Variants in TOX2 observed in about 807,000 individuals in gnomAD.
TOX2 encodes granulosa cell HMG box 1.
TOX2 carries 15 observed loss-of-function variants against 47.4 expected under a neutral mutation model. The observed-to-expected ratio is 0.32, with a 90% CI of 0.21 to 0.49. TOX2 has a LOEUF of 0.49. TOX2 is among the 20% of genes least tolerant of loss of function. The pLI, the probability that TOX2 is intolerant of heterozygous loss-of-function variation, is 0.99. For synonymous variants in TOX2, 290 were observed against 296.6 expected (o/e 0.98, Z 0.23); for missense variants, 622 against 673.1 (o/e 0.92, Z 0.84).
chr20:44,059,813 T>C (rs1228028399), intron 5 of TOX2, among the ~76,000 whole-genome samples: 2 of 152,146 alleles, frequency 1.3e-5, no homozygotes, highest in African/African-American at 4.8e-5. Context: ...AAAGCATAAA[T>C]CTCACAGGAC....
chr20:43,930,021 T>C (rs2069233135), intron 1 of TOX2, among the ~76,000 whole-genome samples: 1 of 152,240 alleles, frequency 6.6e-6, no homozygotes, highest in Non-Finnish European at 1.5e-5. Flanking sequence ...TCTGAGTATT[T>C]TTCTTCGTGG....
rs376633123 is a variant in TOX2 at position 43,916,318 on chromosome 20, C to T, written c.99+1328C>T. The stretch of plus-strand genomic sequence containing the variant: ...GGGATGAGGCAGGAGAGAGGCGTCC[C>T]GGCGCGGATCCCGGGGCCTCCCGGG... On this transcript the variant is annotated intron_variant, in intron 1 of 8. Transcript: ENST00000341197. This position sits in a 1 kb window ranked among gnomAD's most constrained non-coding sequence, Gnocchi z 5.0. The T allele has an allele frequency of 2.0e-5, 17 of 856,222 alleles. No individual in the cohort carries two copies. The East Asian group carries it at 8.5e-4, about 43-fold the overall frequency. The allele number at this position is 856,222 out of a possible 1,614,324, so 53.0% of individuals were successfully genotyped here.
At chr20:44,026,565 TA>T (rs542813028) in intron 3 of TOX2, among the ~76,000 whole-genome samples, 11 of 151,918 alleles carry the variant, frequency 7.2e-5, no homozygotes, top group Non-Finnish European at 1.3e-4. Context: ...AATTATGGAT[TA>T]AAAAAACCCT....
rs757656800 is a variant in TOX2 at position 44,005,859 on chromosome 20, TAAGGAAA to T, written c.166-683_166-677del. Among the ~76,000 whole-genome samples the T allele has an allele frequency of 8.0e-4, 122 of 151,860 alleles. 1 individual carries two copies. Among genetic ancestry groups the T allele is most frequent in the South Asian group, 4.4e-3 (21 of 4,806 alleles). On this transcript the variant is annotated intron_variant, in intron 2 of 8. Transcript: ENST00000341197. ...TGGTGAAATATTGAGCTCTTTAAGATAAGGAAAAAGGCCCGGATGTCTGTTCTCACCA... is the reference window on the plus strand; with the variant it reads ...TGGTGAAATATTGAGCTCTTTAAGATAAGGCCCGGATGTCTGTTCTCACCA...
intron 5 of TOX2, among the ~76,000 whole-genome samples, chr20:44,056,361 T>A (rs1010656534): frequency 2.0e-5 from 3 of 152,202 alleles, no homozygotes; most frequent in Non-Finnish European, 4.4e-5. Flanking sequence ...ACGTCTGTCA[T>A]TTTCACTTGT....
intron 3 of TOX2, among the ~76,000 whole-genome samples, chr20:44,013,194 T>C (rs982013480): frequency 6.6e-6 from 1 of 152,100 alleles, no homozygotes; most frequent in Non-Finnish European, 1.5e-5. Context: ...GAGTGGGGAC[T>C]TGATCCTGGG....
At chr20:43,924,327 C>T (rs2069142061) in intron 1 of TOX2, among the ~76,000 whole-genome samples, 1 of 152,018 alleles carries the variant, frequency 6.6e-6, no homozygotes, top group African/African-American at 2.4e-5. Flanking sequence ...CTTTTTGGGT[C>T]CAAGGGAAGA....
chr20:43,966,975 G>A (rs1005871566), intron 1 of TOX2, among the ~76,000 whole-genome samples: 4 of 152,000 alleles, frequency 2.6e-5, no homozygotes, highest in Non-Finnish European at 5.9e-5. Context: ...ACACCAACAT[G>A]GGTTTGTGGT....
chr20:43,947,202 G>A (rs2069488691), intron 1 of TOX2, among the ~76,000 whole-genome samples: 1 of 152,190 alleles, frequency 6.6e-6, no homozygotes, highest in Non-Finnish European at 1.5e-5. Context: ...TCTCAGCTCG[G>A]CCATAAATAC....
intron 3 of TOX2, among the ~76,000 whole-genome samples, chr20:44,050,198 CAATT>C (rs1341149807): frequency 2.0e-5 from 3 of 151,994 alleles, no homozygotes; most frequent in Admixed American, 6.6e-5. Flanking sequence ...TGTCATTTGT[CAATT>C]AAAAAATAAA....
Position 44,068,904 on chromosome 20 carries a change from C to T in TOX2, c.*218C>T, listed in dbSNP as rs2071886587. ...ACCAGCCCAAAGAACCTGCAGGAAC[C>T]TTCCGCCCGCTGACCTGCTTGCTCC... On this transcript the variant is annotated 3_prime_UTR_variant, in exon 9 of 9. Transcript: ENST00000341197. 2 of 710,026 alleles carry T rather than the reference C, an allele frequency of 2.8e-6. No individual in the cohort carries two copies. The highest frequency in any genetic ancestry group is 5.2e-6 in the Non-Finnish European group (2 of 387,024). 44.0% of individuals were successfully genotyped at this position (710,026 alleles called of 1,614,324 possible). A position where few individuals can be genotyped will look rare whatever the true frequency, so the allele number is the denominator to read the frequency against.
intron 1 of TOX2, among the ~76,000 whole-genome samples, chr20:43,937,698 C>T (rs1210033899): frequency 6.6e-6 from 1 of 152,134 alleles, no homozygotes; most frequent in African/African-American, 2.4e-5. Context: ...CCTCTACGTC[C>T]ATGTGCAGGG....
Position 44,066,925 on chromosome 20 carries a change from T to G in TOX2, c.1484+68T>G, listed in dbSNP as rs939820774. 3.8e-6 allele frequency: 6 copies of G among 1,561,648 alleles called. No homozygotes were observed. In the African/African-American group the frequency reaches 8.1e-5, roughly 21 times the overall value. On this transcript the variant is annotated intron_variant, in intron 8 of 8. Transcript: ENST00000341197. ...AGAGTGGGAACAGGATGGCCAGGGA[T>G]GGGAGAATGGCCAAGGGCAACGTGG...
chr20:43,946,494 C>G (rs1184886766), intron 1 of TOX2, among the ~76,000 whole-genome samples: 2 of 152,172 alleles, frequency 1.3e-5, no homozygotes, highest in Non-Finnish European at 2.9e-5. Context: ...TGAGAAGCAG[C>G]TGAGGACGTC....
At chr20:43,938,725 T>C (rs1475662375) in intron 1 of TOX2, among the ~76,000 whole-genome samples, 1 of 152,232 alleles carries the variant, frequency 6.6e-6, no homozygotes, top group Non-Finnish European at 1.5e-5. Context: ...CCAGGACTTA[T>C]TTCCACACTG....
intron 3 of TOX2, among the ~76,000 whole-genome samples, chr20:44,033,378 T>C (rs2071186700): frequency 6.6e-6 from 1 of 152,236 alleles, no homozygotes; most frequent in Admixed American, 6.5e-5. Flanking sequence ...TCATTGATTC[T>C]GGGCTGCAGT....
At chr20:44,021,604 A>C in intron 3 of TOX2, among the ~76,000 whole-genome samples, 1 of 152,184 alleles carries the variant, frequency 6.6e-6, no homozygotes, top group East Asian at 1.9e-4. Context: ...TAGCCAGTAC[A>C]TTGGCTGTGC....
chr20:43,924,831 A>G (rs1295667412), intron 1 of TOX2, among the ~76,000 whole-genome samples: 2 of 152,248 alleles, frequency 1.3e-5, no homozygotes, highest in African/African-American at 4.8e-5. Flanking sequence ...TAGAAGAGGA[A>G]AGACACAAGT....
intron 1 of TOX2, among the ~76,000 whole-genome samples, chr20:43,934,798 TTGTGTG>T (rs148972789): frequency 1.4e-5 from 2 of 147,746 alleles, no homozygotes; most frequent in Admixed American, 6.7e-5. Context: ...GTGTGTGTGT[TTGTGTG>T]TGTGTGTGTG....
Sources: gnomAD v4.1 joint callset for allele counts (sites outside exome capture counted in the v4.1 genomes callset) on GRCh38, gnomAD v4.1.1 for gene constraint, Gnocchi (gnomAD v3.1) non-coding constraint, MANE v1.5 for transcripts, NCBI Gene and HGNC (gene_info 2026-07-23, HGNC 2026-07-21) for gene names.